CMC1: variants seen among roughly 807,000 people sequenced by gnomAD.
CMC1 encodes the protein COX assembly mitochondrial protein homolog.
Under a neutral mutation model 14.1 loss-of-function variants are expected in CMC1, and 14 were observed. That is an observed-to-expected ratio of 0.99 (90% CI 0.66 to 1.55). The LOEUF is 1.55. CMC1 is among the 40% of genes most tolerant of loss of function. The pLI is 0.00. For missense variants in CMC1, 127 were observed against 123.8 expected (o/e 1.03, Z -0.12); for synonymous variants, 50 against 38.4 (o/e 1.30, Z -1.12).
Position 28,254,672 on chromosome 3 carries a change from T to C in CMC1, c.20-8619T>C, listed in dbSNP as rs1327396234. Among the ~76,000 whole-genome samples, 4 of 152,320 alleles carry C rather than the reference T, an allele frequency of 2.6e-5. No homozygotes were observed. The East Asian group carries it at 7.7e-4, about 29-fold the overall frequency. On this transcript the variant is annotated intron_variant, in intron 1 of 3. Transcript: ENST00000466830. ...GAATTGATTCAAAATAATATTGCCT[T>C]AGTTATTTAAGACCATTGGAAGATT...
At chr3:28,299,391 G>A (rs1701906745) in intron 2 of CMC1, among the ~76,000 whole-genome samples, 2 of 152,106 alleles carry the variant, frequency 1.3e-5, no homozygotes, top group African/African-American at 4.8e-5. Flanking sequence ...GGAGGTATTA[G>A]ATATTCAGTG....
At position 28,258,080 on chromosome 3, in the gene CMC1, A is replaced by G. The variant is rs1044071418; in HGVS notation, c.20-5211A>G. Reference sequence around the variant, plus strand: ...CACCTTTATATATATATATATATATATATATACTTACAATTTGCATATCAT... The same window carrying G: ...CACCTTTATATATATATATATATATGTATATACTTACAATTTGCATATCAT... On this transcript the variant is annotated intron_variant, in intron 1 of 3. Transcript: ENST00000466830. Among the ~76,000 whole-genome samples the G allele has an allele frequency of 6.4e-5, 9 of 139,662 alleles. No individual in the cohort carries two copies. In the East Asian group the frequency reaches 1.9e-3, roughly 30 times the overall value. 91.6% of individuals were successfully genotyped at this position (139,662 alleles called of 152,430 possible).
At chr3:28,309,824 C>CACACAT (rs1196216808) in intron 2 of CMC1, among the ~76,000 whole-genome samples, 1 of 80,782 alleles carries the variant, frequency 1.2e-5, no homozygotes, top group African/African-American at 4.9e-5. Flanking sequence ...ATATTTACCA[C>CACACAT]ACACACACAC....
rs1702482754 is a variant in CMC1 at position 28,308,993 on chromosome 3, AATAAAT to A, written c.110-7338_110-7333del. 4.7e-5 allele frequency among the ~76,000 whole-genome samples: 7 copies of A among 149,194 alleles called. 1 individual carries two copies. Among genetic ancestry groups the A allele is most frequent in the Admixed American group, 3.3e-4 (5 of 15,022 alleles). On this transcript the variant is annotated intron_variant, in intron 2 of 3. Transcript: ENST00000466830. ...CGAGACTCCGTCTCAAAAAAAAATA[AATAAAT>A]AAATAAATAAGCCTGCAAAACTAAA...
At chr3:28,274,307 G>A (rs1200514716) in intron 2 of CMC1, among the ~76,000 whole-genome samples, 1 of 148,852 alleles carries the variant, frequency 6.7e-6, no homozygotes, top group Non-Finnish European at 1.5e-5. Flanking sequence ...GGCAGGCCTG[G>A]TGGTGATGAA....
chr3:28,300,285 T>C (rs942962597), intron 2 of CMC1, among the ~76,000 whole-genome samples: 1 of 152,156 alleles, frequency 6.6e-6, no homozygotes. Context: ...ATGGGAATAT[T>C]CGAATCTATG....
intron 1 of CMC1, among the ~76,000 whole-genome samples, chr3:28,259,476 TAATTA>T (rs2125452363): frequency 6.6e-6 from 1 of 152,312 alleles, no homozygotes; most frequent in Admixed American, 6.5e-5. Context: ...CAGGCTCCTA[TAATTA>T]AATGTGGACA....
In CMC1 at chr3:28,286,466, A is replaced by C. The variant is rs200393718; in HGVS notation, c.109+23086A>C. On this transcript the variant is annotated intron_variant, in intron 2 of 3. Coordinates refer to ENST00000466830, the MANE Select transcript of CMC1 (RefSeq NM_182523.2). Reference sequence around the variant, plus strand: ...GTTATGCAAAACGTTTATATTAAATAGACTTGTTAAGTATGTCTTTCTTAT... The same window carrying C: ...GTTATGCAAAACGTTTATATTAAATCGACTTGTTAAGTATGTCTTTCTTAT... 5.9e-5 allele frequency among the ~76,000 whole-genome samples: 9 copies of C among 152,250 alleles called. No individual in the cohort carries two copies. In the East Asian group the frequency reaches 1.7e-3, roughly 29 times the overall value.
chr3:28,269,969 C>T (rs751153968), intron 2 of CMC1, among the ~76,000 whole-genome samples: 5 of 152,136 alleles, frequency 3.3e-5, no homozygotes, highest in African/African-American at 9.7e-5. Flanking sequence ...TTCCCCTCCC[C>T]GTGTCCATGC....
chr3:28,299,347 G>A lies in CMC1; in HGVS notation c.110-16986G>A, dbSNP rs544276701. On this transcript the variant is annotated intron_variant, in intron 2 of 3. Coordinates refer to ENST00000466830, the MANE Select transcript of CMC1 (RefSeq NM_182523.2). ...GAGAGATGATTTAGTTTGAATATCA[G>A]CCTGATCTTAATCAGGTGAGAATTA... Among the ~76,000 whole-genome samples the A allele has an allele frequency of 3.3e-5, 5 of 152,218 alleles. No individual in the cohort carries two copies. The East Asian group carries it at 9.7e-4, about 29-fold the overall frequency.
intron 2 of CMC1, among the ~76,000 whole-genome samples, chr3:28,295,809 A>G (rs1701711874): frequency 6.6e-6 from 1 of 152,064 alleles, no homozygotes; most frequent in Non-Finnish European, 1.5e-5. Context: ...CCAAAACCTA[A>G]ATCCCATGAA....
At chr3:28,275,560 G>T (rs145531350) in intron 2 of CMC1, among the ~76,000 whole-genome samples, 56 of 152,046 alleles carry the variant, frequency 3.7e-4, no homozygotes, top group African/African-American at 1.3e-3. Context: ...AAGGTGTTTG[G>T]CAACCCCCCG....
intron 1 of CMC1, among the ~76,000 whole-genome samples, chr3:28,259,867 G>A (rs902305378): frequency 1.3e-5 from 2 of 152,030 alleles, no homozygotes; most frequent in South Asian, 2.1e-4. Flanking sequence ...ATGTGTGTGT[G>A]TATAATTCTG....
At chr3:28,276,147 C>A (rs1029483388) in intron 2 of CMC1, among the ~76,000 whole-genome samples, 2 of 152,116 alleles carry the variant, frequency 1.3e-5, no homozygotes, top group Non-Finnish European at 2.9e-5. Flanking sequence ...AACCTAGATA[C>A]CTCAATTCCC....
At chr3:28,308,759 C>T (rs979790406) in intron 2 of CMC1, among the ~76,000 whole-genome samples, 22 of 152,044 alleles carry the variant, frequency 1.4e-4, no homozygotes, top group Middle Eastern at 3.4e-3. Flanking sequence ...CCGAGGTGGG[C>T]GGATCACAAG....
chr3:28,246,971 A>G (rs746021424), intron 1 of CMC1, among the ~76,000 whole-genome samples: 19 of 151,850 alleles, frequency 1.3e-4, no homozygotes, highest in Non-Finnish European at 2.2e-4. Flanking sequence ...TATTATTGGT[A>G]TTTTTGGTAA....
intron 2 of CMC1, among the ~76,000 whole-genome samples, chr3:28,305,841 C>T (rs558113385): frequency 5.8e-4 from 61 of 104,724 alleles, no homozygotes; most frequent in African/African-American, 2.2e-3. Flanking sequence ...AGTCTTTCAG[C>T]GATCTTGAGT....
chr3:28,278,673 G>A (rs1434118016), intron 2 of CMC1, among the ~76,000 whole-genome samples: 3 of 152,192 alleles, frequency 2.0e-5, no homozygotes, highest in Non-Finnish European at 2.9e-5. Flanking sequence ...AATACATGGT[G>A]TTAGATACAG....
At chr3:28,281,468 CT>C (rs1700890429) in intron 2 of CMC1, among the ~76,000 whole-genome samples, 1 of 152,112 alleles carries the variant, frequency 6.6e-6, no homozygotes, top group South Asian at 2.1e-4. Flanking sequence ...TTTAAAACTT[CT>C]GATATTGCTC....
Sources: allele counts gnomAD v4.1 joint callset (sites outside exome capture counted in the v4.1 genomes callset), GRCh38; gene constraint gnomAD v4.1.1; transcripts MANE v1.5; gene names NCBI Gene and HGNC (gene_info 2026-07-23, HGNC 2026-07-21).